CCAR1: variants seen among roughly 807,000 people sequenced by gnomAD.
CCAR1 encodes the protein cell division cycle and apoptosis regulator 1.
In CCAR1, 78 loss-of-function variants were observed where a neutral mutation model predicts 163.8. That is an observed-to-expected ratio of 0.48 (90% confidence interval 0.40 to 0.57). CCAR1 has a LOEUF of 0.57. Among genes scored for constraint, CCAR1 ranks in the 20% least tolerant of loss-of-function variants. The probability of loss-of-function intolerance (pLI) is 0.00; values close to 1 mark genes in which losing one functional copy is unlikely to be tolerated. For synonymous variants in CCAR1, 443 were observed against 460.7 expected (o/e 0.96, Z 0.49); for missense variants, 1,019 against 1,365.2 (o/e 0.75, Z 4.00).
intron 10 of CCAR1, among the ~76,000 whole-genome samples, chr10:68,750,639 G>T (rs1374822631): frequency 6.6e-6 from 1 of 152,170 alleles, no homozygotes; most frequent in Non-Finnish European, 1.5e-5. Context: ...TGTGGCAGTT[G>T]TATAGTCTCA....
At chr10:68,726,256 A>T (rs2055944822) in intron 2 of CCAR1, among the ~76,000 whole-genome samples, 1 of 151,124 alleles carries the variant, frequency 6.6e-6, no homozygotes, top group Non-Finnish European at 1.5e-5. Flanking sequence ...GGTTCAAGCG[A>T]TTCTCGTGCC....
chr10:68,762,303 T>TG (rs1452975414), intron 16 of CCAR1, among the ~76,000 whole-genome samples: 1 of 149,496 alleles, frequency 6.7e-6, no homozygotes, highest in Admixed American at 6.7e-5. Flanking sequence ...CACTCCAGCC[T>TG]GGGCGACAGA....
At chr10:68,769,210 G>A (rs957883349) in intron 17 of CCAR1, among the ~76,000 whole-genome samples, 2 of 152,110 alleles carry the variant, frequency 1.3e-5, no homozygotes, top group African/African-American at 2.4e-5. Flanking sequence ...TCCCGACCTC[G>A]TGATCCACCC....
chr10:68,745,459 G>A (rs938057405), intron 6 of CCAR1, among the ~76,000 whole-genome samples: 13 of 148,396 alleles, frequency 8.8e-5, no homozygotes, highest in Non-Finnish European at 1.8e-4. Context: ...ATGCTACCAC[G>A]TCCAGCTTTT....
rs1249788272 is a variant in CCAR1, at chr10:68,792,264, G to T, written c.*998G>T. 1 of 151,614 alleles carries T rather than the reference G, an allele frequency of 6.6e-6. No individual in the cohort carries two copies. Among genetic ancestry groups the T allele is most frequent in the Non-Finnish European group, 1.5e-5 (1 of 67,940 alleles). 9.4% of individuals were successfully genotyped at this position (151,614 alleles called of 1,614,324 possible). A position where few individuals can be genotyped will look rare whatever the true frequency, so the allele number is the denominator to read the frequency against. On this transcript the variant is annotated 3_prime_UTR_variant, in exon 25 of 25. Transcript: ENST00000265872. ...ATCTATATTCCTTTTAATTTTGAGG[G>T]TTTAAAAAAAAATGCAGTGTATGTC...
chr10:68,748,840 C>G (rs1441257836), intron 8 of CCAR1, among the ~76,000 whole-genome samples: 1 of 151,982 alleles, frequency 6.6e-6, no homozygotes, highest in South Asian at 2.1e-4. Context: ...CAGCCCCCCT[C>G]TAATTTTTGC....
intron 4 of CCAR1, among the ~76,000 whole-genome samples, chr10:68,738,674 A>T (rs1162764335): frequency 6.6e-6 from 1 of 152,020 alleles, no homozygotes; most frequent in Non-Finnish European, 1.5e-5. Flanking sequence ...ATTTCTTTCA[A>T]GGAGTAGGAC....
intron 6 of CCAR1, among the ~76,000 whole-genome samples, chr10:68,743,251 C>T (rs1474820283): frequency 6.7e-6 from 1 of 149,916 alleles, no homozygotes; most frequent in Middle Eastern, 3.2e-3. Context: ...GGCTGGAGTG[C>T]AGTGGTTCGA....
intron 19 of CCAR1, among the ~76,000 whole-genome samples, chr10:68,778,858 T>G (rs184692845): frequency 6.6e-6 from 1 of 152,318 alleles, no homozygotes; most frequent in East Asian, 1.9e-4. Flanking sequence ...ACTCTTTTTT[T>G]GTTTGTTTTT....
intron 6 of CCAR1, among the ~76,000 whole-genome samples, chr10:68,745,763 G>A (rs929278716): frequency 6.6e-6 from 1 of 151,234 alleles, no homozygotes; most frequent in African/African-American, 2.4e-5. Flanking sequence ...AACAACGCCC[G>A]GCAACTATTT....
intron 15 of CCAR1, among the ~76,000 whole-genome samples, chr10:68,758,046 T>C (rs2056417867): frequency 6.6e-6 from 1 of 152,006 alleles, no homozygotes; most frequent in South Asian, 2.1e-4. Context: ...TGGCCGTAAT[T>C]TGGTTTTTAA....
intron 16 of CCAR1, 55 bp from the exon 17 acceptor site, chr10:68,765,833 T>C (rs947269330): frequency 1.6e-5 from 20 of 1,216,154 alleles, no homozygotes; most frequent in Admixed American, 2.0e-5. Context: ...ATCTTGCACA[T>C]GTATATACAT....
chr10:68,739,528 C>T (rs938179683), intron 4 of CCAR1, among the ~76,000 whole-genome samples: 3 of 152,114 alleles, frequency 2.0e-5, no homozygotes, highest in East Asian at 1.9e-4. Context: ...GTTTAATCCT[C>T]GACTTAAGCC....
chr10:68,790,747 G>A (rs1000308769), intron 24 of CCAR1, among the ~76,000 whole-genome samples: 1 of 151,080 alleles, frequency 6.6e-6, no homozygotes, highest in South Asian at 2.1e-4. Context: ...GGTGGCTCAT[G>A]CCTGTAATCT....
rs751061429 is a variant in CCAR1, at chr10:68,771,345, A to G, written c.2438A>G (p.Asp813Gly). The part of the protein sequence containing the change: ...DKKSKKDERK[D>G]KKEERDDETD... ...AAAAGCAAAAAAGATGAGAGAAAAG[A>G]TAAAAAAGAAGAAAGAGATGATGAA... The change falls in exon 18 of 25, where the codon GAT becomes GGT. Residue 813 changes from aspartate (D) to glycine (G), a missense_variant. Around this residue, in one of 4 missense-constraint regions of CCAR1, gnomAD observed 358 missense variants for 406.4 expected, o/e 0.88. Coordinates refer to ENST00000265872, the MANE Select transcript of CCAR1 (RefSeq NM_018237.4). 1.9e-6 allele frequency: 3 copies of G among 1,605,586 alleles called. No individual in the cohort carries two copies. The highest frequency in any genetic ancestry group is 2.2e-5 in the South Asian group (2 of 89,406).
Position 68,789,751 on chromosome 10 carries a change from A to G in CCAR1, c.3229A>G (p.Lys1077Glu). The change falls in exon 24 of 25, where the codon AAA becomes GAA. Residue 1077 changes from lysine to glutamate, a missense_variant. By Grantham distance (56) the Lys-to-Glu change is moderately conservative. Coordinates refer to ENST00000265872, the MANE Select transcript of CCAR1 (RefSeq NM_018237.4). ...CATATTAAATTTGGAGAATTCCAAC[A>G]AAAGCCTCTCTGGTGAACTCAGAGA... ...KTILNLENSN[K>E]SLSGELREVK... The G allele has an allele frequency of 1.3e-6, 2 of 1,595,066 alleles. No homozygotes were observed. The highest frequency in any genetic ancestry group is 1.7e-6 in the Non-Finnish European group (2 of 1,174,488).
In CCAR1 at chr10:68,761,121, CAGA is replaced by C. The variant is rs761242365; in HGVS notation, c.2038_2040del (p.Lys680del). ...TAAAGTAGAGGAACAAAAAGAAGAA[CAGA>C]AGGAGTTAGAGAAATCTGAAAAAGA... On this transcript the variant is annotated inframe_deletion, in exon 16 of 25. Coordinates refer to ENST00000265872, the MANE Select transcript of CCAR1 (RefSeq NM_018237.4). 5.6e-6 allele frequency: 9 copies of C among 1,610,414 alleles called. No homozygotes were observed. In the East Asian group the frequency reaches 6.7e-5, roughly 12 times the overall value.
intron 6 of CCAR1, among the ~76,000 whole-genome samples, chr10:68,745,012 T>A (rs2056233681): frequency 6.6e-6 from 1 of 150,826 alleles, no homozygotes; most frequent in Admixed American, 6.6e-5. Flanking sequence ...ATTAATTAAT[T>A]AATTTTTTTT....
chr10:68,781,473 G>A (rs534208702), intron 19 of CCAR1, among the ~76,000 whole-genome samples: 42 of 152,256 alleles, frequency 2.8e-4, no homozygotes, highest in African/African-American at 8.4e-4. Context: ...AACCCAGGAT[G>A]CAGGTTGCGG....
Sources: allele counts gnomAD v4.1 joint callset (sites outside exome capture counted in the v4.1 genomes callset), GRCh38; gene constraint gnomAD v4.1.1; regional missense constraint gnomAD v4.1.1; transcripts MANE v1.5; gene names NCBI Gene and HGNC (gene_info 2026-07-23, HGNC 2026-07-21).